Variants in PEX13 observed in about 807,000 individuals in gnomAD.
The protein encoded by PEX13 is peroxisomal biogenesis factor 13.
PEX13 carries 28 observed loss-of-function variants against 34.5 expected under a neutral mutation model. The observed-to-expected ratio is 0.81, with a 90% CI of 0.60 to 1.11. The LOEUF is 1.11. Among genes scored for constraint, PEX13 ranks in the 50% most tolerant of loss-of-function variants. The pLI is 0.00. For missense variants in PEX13, 550 were observed against 491.0 expected (o/e 1.12, Z -1.13); for synonymous variants, 177 against 175.1 (o/e 1.01, Z -0.09).
rs547838972 is a variant in PEX13 at position 61,036,734 on chromosome 2, C to T, written c.787+4621C>T. Among the ~76,000 whole-genome samples, 5 of 152,288 alleles carry T rather than the reference C, an allele frequency of 3.3e-5. No individual in the cohort carries two copies. The East Asian group carries it at 9.6e-4, about 29-fold the overall frequency. ...TGCATCAATTAACGGGCAAAATAAC[C>T]AGTTAACATCATAATGAATGACAGG... is the stretch of plus-strand genomic sequence containing the variant. On this transcript the variant is annotated intron_variant, in intron 2 of 3. Transcript: ENST00000295030.
At chr2:61,021,003 T>C (rs904133813) in intron 1 of PEX13, among the ~76,000 whole-genome samples, 1 of 152,210 alleles carries the variant, frequency 6.6e-6, no homozygotes, top group Non-Finnish European at 1.5e-5. Context: ...ATTTTATGAA[T>C]GGCTTTTCTG....
At chr2:61,041,031 G>A (rs1252752173) in intron 2 of PEX13, among the ~76,000 whole-genome samples, 1 of 151,964 alleles carries the variant, frequency 6.6e-6, no homozygotes, top group Non-Finnish European at 1.5e-5. Flanking sequence ...CTAAGATAGA[G>A]TCAGATTGGG....
intron 1 of PEX13, among the ~76,000 whole-genome samples, chr2:61,021,146 G>T (rs373341664): frequency 6.6e-6 from 1 of 152,160 alleles, no homozygotes; most frequent in Non-Finnish European, 1.5e-5. Context: ...TGAGGTACCT[G>T]GTTCATCTCA....
intron 3 of PEX13, among the ~76,000 whole-genome samples, chr2:61,046,837 G>A (rs1290438601): frequency 6.6e-6 from 1 of 152,070 alleles, no homozygotes; most frequent in Non-Finnish European, 1.5e-5. Flanking sequence ...TTTTTGCAGG[G>A]AAGAAATACT....
At chr2:61,040,762 CAT>C (rs981507072) in intron 2 of PEX13, among the ~76,000 whole-genome samples, 35 of 144,536 alleles carry the variant, frequency 2.4e-4, no homozygotes, top group Middle Eastern at 3.6e-3. Flanking sequence ...TAGGTATATA[CAT>C]ATATATATAT....
chr2:61,019,435 C>G (rs1041451261), intron 1 of PEX13, among the ~76,000 whole-genome samples: 2 of 152,030 alleles, frequency 1.3e-5, no homozygotes, highest in Admixed American at 6.5e-5. Flanking sequence ...GATTTTAATA[C>G]AGCCAAAATT....
At chr2:61,047,123 C>G (rs2104813594) in intron 3 of PEX13, among the ~76,000 whole-genome samples, 1 of 151,986 alleles carries the variant, frequency 6.6e-6, no homozygotes, top group East Asian at 1.9e-4. Flanking sequence ...AAACAAACCT[C>G]TAGACTTTTA....
intron 2 of PEX13, among the ~76,000 whole-genome samples, chr2:61,039,130 G>A (rs918983835): frequency 6.6e-6 from 1 of 152,136 alleles, no homozygotes; most frequent in African/African-American, 2.4e-5. Context: ...CCATGCCCAT[G>A]GATAGGAAGA....
intron 2 of PEX13, among the ~76,000 whole-genome samples, chr2:61,045,442 C>A (rs999957869): frequency 2.0e-5 from 3 of 152,134 alleles, no homozygotes; most frequent in African/African-American, 7.2e-5. Flanking sequence ...TCTTGGCTTT[C>A]AAAGTCTAAA....
chr2:61,043,658 G>A (rs1230525287), intron 2 of PEX13, among the ~76,000 whole-genome samples: 1 of 152,184 alleles, frequency 6.6e-6, no homozygotes, highest in Non-Finnish European at 1.5e-5. Context: ...CCACATTGCA[G>A]AAAATATTTG....
chr2:61,028,869 C>T (rs1680403257), intron 1 of PEX13, among the ~76,000 whole-genome samples: 1 of 151,088 alleles, frequency 6.6e-6, no homozygotes, highest in South Asian at 2.1e-4. Flanking sequence ...TCATGTAGCA[C>T]AATAATTTAA....
intron 2 of PEX13, among the ~76,000 whole-genome samples, chr2:61,044,737 T>C (rs1301522909): frequency 1.3e-5 from 2 of 152,242 alleles, no homozygotes; most frequent in Admixed American, 1.3e-4. Flanking sequence ...AGTGCTTATA[T>C]GCAAAACTTA....
At chr2:61,043,028 A>T (rs532637840) in intron 2 of PEX13, among the ~76,000 whole-genome samples, 42 of 152,064 alleles carry the variant, frequency 2.8e-4, no homozygotes, top group African/African-American at 9.4e-4. Flanking sequence ...TGGCCCTCTT[A>T]CTCTCTCGCA....
chr2:61,043,812 A>G (rs1680664245), intron 2 of PEX13, among the ~76,000 whole-genome samples: 1 of 152,200 alleles, frequency 6.6e-6, no homozygotes, highest in Non-Finnish European at 1.5e-5. Context: ...ATTCAATGGC[A>G]GAACAAGGTT....
rs770622313 is a variant in PEX13, at chr2:61,049,787, T to G, written c.*1017T>G. 1 of 152,108 alleles carries G rather than the reference T, an allele frequency of 6.6e-6. No individual in the cohort carries two copies. The highest frequency in any genetic ancestry group is 1.5e-5 in the Non-Finnish European group (1 of 68,008). The allele number at this position is 152,108 out of a possible 1,614,324, so 9.4% of individuals were successfully genotyped here. A position where few individuals can be genotyped will look rare whatever the true frequency, so the allele number is the denominator to read the frequency against. ...CGAAACTCCATCTCAAAAAATAAAA[T>G]TATTTATTTCTTTAAAATATGACTA... On this transcript the variant is annotated 3_prime_UTR_variant, in exon 4 of 4. Transcript: ENST00000295030.
At chr2:61,044,484 C>T (rs1447103614) in intron 2 of PEX13, among the ~76,000 whole-genome samples, 2 of 152,152 alleles carry the variant, frequency 1.3e-5, no homozygotes, top group African/African-American at 2.4e-5. Context: ...CTGCTGGACT[C>T]ATGCAATTTC....
chr2:61,036,080 G>GA lies in PEX13; in HGVS notation c.787+3973dup, dbSNP rs1416160025. On this transcript the variant is annotated intron_variant, in intron 2 of 3. Transcript: ENST00000295030. ...AATAAAACAAGAATACAAGATTAGA[G>GA]AAAAAAGAGTGAAAAGAAATGAACA... Among the ~76,000 whole-genome samples the GA allele has an allele frequency of 9.9e-5, 15 of 151,868 alleles. 1 individual carries two copies. In the South Asian group the frequency reaches 2.9e-3, roughly 30 times the overall value.
intron 1 of PEX13, among the ~76,000 whole-genome samples, chr2:61,030,819 C>T (rs540265471): frequency 8.6e-5 from 13 of 151,694 alleles, no homozygotes; most frequent in African/African-American, 2.2e-4. Context: ...ATAGACAAAC[C>T]GAGGGACAGA....
intron 2 of PEX13, among the ~76,000 whole-genome samples, chr2:61,036,695 C>T (rs1251131495): frequency 3.3e-5 from 5 of 152,154 alleles, no homozygotes; most frequent in East Asian, 1.9e-4. Flanking sequence ...AGACCATCAA[C>T]GCTATGAAGA....
Sources: gnomAD v4.1 joint callset for allele counts (sites outside exome capture counted in the v4.1 genomes callset) on GRCh38, gnomAD v4.1.1 for gene constraint, MANE v1.5 for transcripts, NCBI Gene and HGNC (gene_info 2026-07-23, HGNC 2026-07-21) for gene names.